The following EFHD2 variants were observed in gnomAD, a reference collection of about 807,000 sequenced individuals.
EFHD2 encodes EF-hand domain family member D2.
In EFHD2, 12 loss-of-function variants were observed where a neutral mutation model predicts 20.3. The observed-to-expected ratio is 0.59, with a 90% CI of 0.38 to 0.96. The LOEUF (loss-of-function observed/expected upper bound fraction) is 0.96. EFHD2 is among the 40% of genes least tolerant of loss of function. EFHD2 has a pLI of 0.00. For synonymous variants in EFHD2, 131 were observed against 143.9 expected (o/e 0.91, Z 0.64); for missense variants, 250 against 334.3 (o/e 0.75, Z 1.97).
chr1:15,422,743 C>T (rs1296800678), intron 1 of EFHD2, among the ~76,000 whole-genome samples: 6 of 152,070 alleles, frequency 3.9e-5, no homozygotes, highest in Non-Finnish European at 8.8e-5. Context: ...CACCTGTAGT[C>T]GCAGCTACTC....
intron 3 of EFHD2, among the ~76,000 whole-genome samples, chr1:15,427,503 G>A (rs962462104): frequency 7.2e-5 from 11 of 152,220 alleles, no homozygotes; most frequent in Non-Finnish European, 1.0e-4. Context: ...GGTGAGGGGG[G>A]TGTACTCTTG....
At chr1:15,423,214 C>CT (rs1295115045) in intron 1 of EFHD2, among the ~76,000 whole-genome samples, 3 of 152,248 alleles carry the variant, frequency 2.0e-5, no homozygotes, top group Non-Finnish European at 4.4e-5. Context: ...GCCTGACCCT[C>CT]TGAGTCCCAC....
chr1:15,423,299 C>T (rs921539051), intron 1 of EFHD2, among the ~76,000 whole-genome samples: 1 of 152,130 alleles, frequency 6.6e-6, no homozygotes, highest in African/African-American at 2.4e-5. Context: ...AACCCTCATC[C>T]ATCAGTGGGG....
chr1:15,417,726 G>A (rs1707701493), intron 1 of EFHD2, among the ~76,000 whole-genome samples: 1 of 152,190 alleles, frequency 6.6e-6, no homozygotes, highest in African/African-American at 2.4e-5. Flanking sequence ...AGGAACTGGG[G>A]AAGCCAGGGG....
At position 15,426,355 on chromosome 1, in the gene EFHD2, G is replaced by T. The variant is rs1179989431; in HGVS notation, c.456+337G>T. Among the ~76,000 whole-genome samples the T allele has an allele frequency of 9.2e-5, 14 of 152,136 alleles. No homozygotes were observed. The highest frequency in any genetic ancestry group is 9.2e-4 in the Admixed American group (14 of 15,276). On this transcript the variant is annotated intron_variant, in intron 2 of 3. Transcript: ENST00000375980. This position sits in a 1 kb window ranked among gnomAD's most constrained non-coding sequence, Gnocchi z 4.6. The stretch of plus-strand genomic sequence containing the variant: ...GCTCGAAGGTTCCTGGAAGTGTAGA[G>T]GGGGAGACACCACAGAAGGAAATCA...
At position 15,428,628 on chromosome 1, in the gene EFHD2, G is replaced by C; in HGVS notation, c.627G>C (p.Glu209Asp). 6.2e-7 allele frequency: 1 copy of C among 1,611,354 alleles called. No homozygotes were observed. The highest frequency in any genetic ancestry group is 1.1e-5 in the South Asian group (1 of 90,592). The change falls in exon 4 of 4, where the codon GAG becomes GAC. Residue 209 changes from glutamate (E) to aspartate (D), a missense_variant. Around this residue, in one of 3 missense-constraint regions of EFHD2, gnomAD observed 100 missense variants for 116.2 expected, o/e 0.86. Transcript: ENST00000375980. Reference protein sequence around the residue: ...QAINVSSRFEEEIKAEQEERK... With the variant: ...QAINVSSRFEDEIKAEQEERK... ...TCAACGTGTCCAGCCGCTTCGAGGA[G>C]GAGATCAAGGCAGAGCAGGAGGAAA...
rs1403963682 is a variant in EFHD2 at position 15,413,243 on chromosome 1, T to A, written c.308+2964T>A. Among the ~76,000 whole-genome samples, 1 of 151,980 alleles carries A rather than the reference T, an allele frequency of 6.6e-6. No individual in the cohort carries two copies. The highest frequency in any genetic ancestry group is 1.5e-5 in the Non-Finnish European group (1 of 67,972). On this transcript the variant is annotated intron_variant, in intron 1 of 3. Transcript: ENST00000375980. This position sits in a 1 kb window ranked among gnomAD's most constrained non-coding sequence, Gnocchi z 4.4. ...GGAGCCTGCCCTCCTGGGAAGCCAGTCACTAGAGCAGGAGGCAGGAGACCA... is the reference window on the plus strand; with the variant it reads ...GGAGCCTGCCCTCCTGGGAAGCCAGACACTAGAGCAGGAGGCAGGAGACCA...
At chr1:15,427,129 G>A (rs372324856) in intron 2 of EFHD2, 21 bp from the exon 3 acceptor site, 35 of 1,609,154 alleles carry the variant, frequency 2.2e-5, no homozygotes, top group Middle Eastern at 3.8e-4. Context: ...CTGACACCGC[G>A]CGCCTCCCTC....
chr1:15,412,436 A>G (rs997266694), intron 1 of EFHD2, among the ~76,000 whole-genome samples: 9 of 152,312 alleles, frequency 5.9e-5, no homozygotes, highest in Non-Finnish European at 1.0e-4. Flanking sequence ...ACAGCTAGAA[A>G]ATGATAGAGC....
At chr1:15,427,433 G>T (rs749789173) in intron 3 of EFHD2, 149 bp downstream of exon 3, 1 of 1,406,600 alleles carries the variant, frequency 7.1e-7, no homozygotes, top group African/African-American at 1.4e-5. Context: ...AGGCCCACAC[G>T]CTCTGTCTTC....
chr1:15,427,183 G>A lies in EFHD2; in HGVS notation c.490G>A (p.Glu164Lys). The A allele has an allele frequency of 6.2e-7, 1 of 1,609,660 alleles. No individual in the cohort carries two copies. Among genetic ancestry groups the A allele is most frequent in the Non-Finnish European group, 8.5e-7 (1 of 1,178,356 alleles). ...GATCTTCCGCAAGGCGGCGGCCGGGGAGCTTCAGGAGGACAGCGGGCTGTG... is the reference window on the plus strand; with the variant it reads ...GATCTTCCGCAAGGCGGCGGCCGGGAAGCTTCAGGAGGACAGCGGGCTGTG... The part of the protein sequence containing the change: ...LLIFRKAAAG[E>K]LQEDSGLCVL... The change falls in exon 3 of 4, where the codon GAG becomes AAG. Residue 164 changes from glutamate to lysine, a missense_variant. Glu to Lys is a moderately conservative substitution (Grantham distance 56). Transcript: ENST00000375980.
Position 15,427,157 on chromosome 1 carries a change from T to C in EFHD2, c.464T>C (p.Leu155Pro). The change falls in exon 3 of 4, where the codon CTG becomes CCG. Residue 155 changes from leucine to proline, a missense_variant. Transcript: ENST00000375980. ...CCTCCCTCCCCGCTGCAGTTCCTCC[T>C]GATCTTCCGCAAGGCGGCGGCCGGG... ...DSKLSFREFL[L>P]IFRKAAAGEL... 6.2e-7 allele frequency: 1 copy of C among 1,612,454 alleles called. No homozygotes were observed. Among genetic ancestry groups the C allele is most frequent in the Non-Finnish European group, 8.5e-7 (1 of 1,179,394 alleles).
chr1:15,419,215 C>G (rs1707744319), intron 1 of EFHD2, among the ~76,000 whole-genome samples: 1 of 152,216 alleles, frequency 6.6e-6, no homozygotes, highest in Non-Finnish European at 1.5e-5. Flanking sequence ...TGGGGGGTAA[C>G]TGGCTGCTCC....
In EFHD2 at chr1:15,429,513, C is replaced by CA. The variant is rs954144477; in HGVS notation, c.*790dup. ...GGGGGTCGGAGACACCGCTGCTTAG[C>CA]ACCCCCAGCCAGAACACCCTGAGGG... is the stretch of plus-strand genomic sequence containing the variant. On this transcript the variant is annotated 3_prime_UTR_variant, in exon 4 of 4. Coordinates refer to ENST00000375980, the MANE Select transcript of EFHD2 (RefSeq NM_024329.6). The CA allele has an allele frequency of 1.3e-5, 2 of 152,622 alleles. No homozygotes were observed. The highest frequency in any genetic ancestry group is 4.8e-5 in the African/African-American group (2 of 41,424). The allele number at this position is 152,622 out of a possible 1,614,324, so 9.5% of individuals were successfully genotyped here. A position where few individuals can be genotyped will look rare whatever the true frequency, so the allele number is the denominator to read the frequency against.
intron 2 of EFHD2, 35 bp from the exon 3 acceptor site, chr1:15,427,115 C>T (rs774861050): frequency 1.2e-5 from 20 of 1,604,726 alleles, no homozygotes; most frequent in Middle Eastern, 2.1e-4. Flanking sequence ...CCTTCCCTCC[C>T]TTCCTGACAC....
chr1:15,417,904 A>C (rs1483968941), intron 1 of EFHD2, among the ~76,000 whole-genome samples: 1 of 147,556 alleles, frequency 6.8e-6, no homozygotes, highest in Non-Finnish European at 1.5e-5. Flanking sequence ...TTTTGCAATG[A>C]CTCTGCTTCC....
chr1:15,413,035 G>A lies in EFHD2; in HGVS notation c.308+2756G>A, dbSNP rs1412374796. On this transcript the variant is annotated intron_variant, in intron 1 of 3. Coordinates refer to ENST00000375980, the MANE Select transcript of EFHD2 (RefSeq NM_024329.6). This position sits in a 1 kb window ranked among gnomAD's most constrained non-coding sequence, Gnocchi z 4.4. ...CAGATTGTGTATTCAAGGAAACAAC[G>A]CTTCACTGTGCCAACCGAGCCCAAC... Among the ~76,000 whole-genome samples, 1 of 152,164 alleles carries A rather than the reference G, an allele frequency of 6.6e-6. No individual in the cohort carries two copies. Among genetic ancestry groups the A allele is most frequent in the African/African-American group, 2.4e-5 (1 of 41,456 alleles).
At chr1:15,414,667 C>T (rs1167077206) in intron 1 of EFHD2, among the ~76,000 whole-genome samples, 1 of 152,230 alleles carries the variant, frequency 6.6e-6, no homozygotes, top group Non-Finnish European at 1.5e-5. Context: ...TAACCACCAG[C>T]GGAGCTTCCA....
chr1:15,425,657 C>T (rs2103279635), intron 1 of EFHD2, among the ~76,000 whole-genome samples: 1 of 152,236 alleles, frequency 6.6e-6, no homozygotes, highest in Non-Finnish European at 1.5e-5. Context: ...CAGGAGGCTG[C>T]CAGGCCCTGT....
Sources: gnomAD v4.1 joint callset for allele counts (sites outside exome capture counted in the v4.1 genomes callset) on GRCh38, gnomAD v4.1.1 for gene constraint, gnomAD v4.1.1 regional missense constraint, Gnocchi (gnomAD v3.1) non-coding constraint, MANE v1.5 for transcripts, NCBI Gene and HGNC (gene_info 2026-07-23, HGNC 2026-07-21) for gene names.